CAST: variants seen among roughly 807,000 people sequenced by gnomAD.
CAST encodes the protein MIR583 host.
A neutral mutation model predicts 119.6 loss-of-function variants in CAST; 76 were observed. The ratio of observed to expected loss-of-function variants is 0.64; its 90% CI spans 0.53 to 0.77. The LOEUF is 0.77. Among genes scored for constraint, CAST ranks in the 30% least tolerant of loss-of-function variants. The probability of loss-of-function intolerance (pLI) is 0.00; values close to 1 mark genes in which losing one functional copy is unlikely to be tolerated. For missense variants in CAST, 953 were observed against 946.5 expected (o/e 1.01, Z -0.09); for synonymous variants, 319 against 331.6 (o/e 0.96, Z 0.41).
the CAST span, among the ~76,000 whole-genome samples, chr5:96,291,278 A>G: frequency 6.6e-6 from 1 of 152,336 alleles, no homozygotes; most frequent in Non-Finnish European, 1.5e-5. Context: ...GTTTTGGGAT[A>G]ATTTGTTATG....
the CAST span, among the ~76,000 whole-genome samples, chr5:96,134,065 T>C: frequency 6.6e-6 from 1 of 152,182 alleles, no homozygotes; most frequent in Non-Finnish European, 1.5e-5. Flanking sequence ...GTTTCTACAG[T>C]GAGGGAACTA....
the CAST span, among the ~76,000 whole-genome samples, chr5:96,402,212 G>A: frequency 5.5e-4 from 84 of 152,268 alleles, no homozygotes; most frequent in Non-Finnish European, 9.9e-4. Flanking sequence ...GTTAAAAACC[G>A]TGTGTGATTT....
intron 1 of CAST, among the ~76,000 whole-genome samples, chr5:96,627,887 T>C (rs1432904141): frequency 2.0e-5 from 3 of 152,238 alleles, no homozygotes; most frequent in Non-Finnish European, 4.4e-5. Context: ...CTGCCTTTAT[T>C]TGCCATGCTT....
the CAST span, among the ~76,000 whole-genome samples, chr5:96,088,500 C>G: frequency 1.3e-5 from 2 of 152,146 alleles, no homozygotes; most frequent in Admixed American, 6.5e-5. Context: ...GAATGTGTGG[C>G]GGCAGAATTC....
the CAST span, chr5:96,433,017 T>A: frequency 3.7e-6 from 6 of 1,614,180 alleles, no homozygotes; most frequent in Non-Finnish European, 5.1e-6. Context: ...AGCAGTGCAC[T>A]GCAGACTCCA....
chr5:96,393,696 T>C, the CAST span, among the ~76,000 whole-genome samples: 1 of 152,248 alleles, frequency 6.6e-6, no homozygotes, highest in African/African-American at 2.4e-5. Flanking sequence ...TTTTCTTTAC[T>C]TGTCAGCCTG....
chr5:96,703,098 G>T (rs1163742935), intron 3 of CAST, among the ~76,000 whole-genome samples: 1 of 152,160 alleles, frequency 6.6e-6, no homozygotes, highest in Non-Finnish European at 1.5e-5. Context: ...GAGTTTAACT[G>T]TGTTTCTTGG....
At chr5:96,404,466 C>T in the CAST span, among the ~76,000 whole-genome samples, 1 of 152,278 alleles carries the variant, frequency 6.6e-6, no homozygotes, top group South Asian at 2.1e-4. Flanking sequence ...TTTCTTTGTG[C>T]ATATTCAGCC....
intron 1 of CAST, among the ~76,000 whole-genome samples, chr5:96,590,410 G>A (rs541666914): frequency 6.6e-6 from 1 of 152,264 alleles, no homozygotes; most frequent in African/African-American, 2.4e-5. Flanking sequence ...TGGTTTGCAG[G>A]TAAGGACTCA....
chr5:96,605,753 T>C (rs1310421307), intron 1 of CAST, among the ~76,000 whole-genome samples: 2 of 152,208 alleles, frequency 1.3e-5, no homozygotes, highest in African/African-American at 4.8e-5. Flanking sequence ...GTAAAGTGGG[T>C]ATTTTGTTAA....
chr5:96,381,517 G>A, the CAST span, among the ~76,000 whole-genome samples: 2 of 152,124 alleles, frequency 1.3e-5, no homozygotes, highest in African/African-American at 4.8e-5. Context: ...AATAGATTAG[G>A]ATGACCTCCT....
chr5:96,090,841 A>T, the CAST span, among the ~76,000 whole-genome samples: 637 of 151,718 alleles, frequency 4.2e-3, 13 homozygotes, highest in East Asian at 0.051. Flanking sequence ...TAGTTGCTGT[A>T]GTTGTACACA....
At chr5:96,214,230 G>T in the CAST span, among the ~76,000 whole-genome samples, 1 of 152,110 alleles carries the variant, frequency 6.6e-6, no homozygotes, top group Non-Finnish European at 1.5e-5. Context: ...AATATTTAGA[G>T]CATGAATAAG....
At chr5:96,568,067 T>G (rs1580828226) in intron 1 of CAST, among the ~76,000 whole-genome samples, 1 of 152,152 alleles carries the variant, frequency 6.6e-6, no homozygotes, top group Non-Finnish European at 1.5e-5. Context: ...AAAAGGGTAC[T>G]TTTTGACTGA....
chr5:96,588,192 C>CTTTTT (rs1746891918), intron 1 of CAST, among the ~76,000 whole-genome samples: 2 of 113,416 alleles, frequency 1.8e-5, no homozygotes, highest in Non-Finnish European at 3.4e-5. Context: ...TTCTTTCTTT[C>CTTTTT]TTTCTTTTTT....
upstream of CAST, chr5:96,662,331 C>T (rs1026316346): frequency 1.4e-6 from 1 of 729,386 alleles, no homozygotes. Flanking sequence ...CTCCCTCCCT[C>T]CCTCCCTCTC....
At chr5:96,359,232 G>T in the CAST span, among the ~76,000 whole-genome samples, 50 of 152,102 alleles carry the variant, frequency 3.3e-4, no homozygotes, top group African/African-American at 1.2e-3. Flanking sequence ...GTGTGTCTTT[G>T]CATGTGAGAT....
the CAST span, among the ~76,000 whole-genome samples, chr5:96,141,515 C>T: frequency 6.6e-6 from 1 of 152,206 alleles, no homozygotes; most frequent in African/African-American, 2.4e-5. Flanking sequence ...TTCCTCTTTA[C>T]TTATTCCCAG....
At chr5:96,057,101 T>C in the CAST span, among the ~76,000 whole-genome samples, 3 of 152,182 alleles carry the variant, frequency 2.0e-5, no homozygotes, top group African/African-American at 7.2e-5. Flanking sequence ...ATAGAAACAC[T>C]ATAGCTGAAT....
Sources: gnomAD v4.1 joint callset for allele counts (sites outside exome capture counted in the v4.1 genomes callset) on GRCh38, gnomAD v4.1.1 for gene constraint, MANE v1.5 for transcripts, NCBI Gene and HGNC (gene_info 2026-07-23, HGNC 2026-07-21) for gene names.